The following CORIN variants were observed in gnomAD, a reference collection of about 807,000 sequenced individuals.
CORIN encodes the protein atrial natriuretic peptide-converting enzyme.
Under a neutral mutation model 125.3 loss-of-function variants are expected in CORIN, and 117 were observed. The ratio of observed to expected loss-of-function variants is 0.93; its 90% CI spans 0.80 to 1.09. The LOEUF (loss-of-function observed/expected upper bound fraction) is 1.09, where lower values mean the gene tolerates loss of function less well. CORIN is among the 50% of genes least tolerant of loss of function. The pLI is 0.00. For missense variants in CORIN, 1,253 were observed against 1,306.7 expected, an observed-to-expected ratio of 0.96 and a Z score of 0.63; for synonymous variants, 450 against 466.4, an observed-to-expected ratio of 0.96 and a Z score of 0.45.
intron 5 of CORIN, among the ~76,000 whole-genome samples, chr4:47,715,428 G>A (rs149875313): frequency 0.029 from 4,349 of 152,060 alleles, 214 homozygotes; most frequent in African/African-American, 0.1. Context: ...GCAACATGGC[G>A]AAACCTCGTC....
intron 3 of CORIN, among the ~76,000 whole-genome samples, chr4:47,766,668 G>A (rs1034583510): frequency 8.6e-5 from 13 of 152,018 alleles, no homozygotes; most frequent in African/African-American, 1.7e-4. Context: ...AACAAAGGCC[G>A]GGCGCAGTGG....
chr4:47,683,731 C>A lies in CORIN; in HGVS notation c.1021G>T (p.Asp341Tyr). ...CGDLSDEQNC[D>Y]CNPTTEHRCG... ...CCTTTGGGGAAACAATGCTACTTAC[C>A]ACAGTTTTGCTCATCACTCAAATCC... Residue 341 changes from aspartate to tyrosine, a missense_variant and splice_region_variant, in exon 7 of 22, where the codon GAT becomes TAT. Physicochemically the swap from Asp to Tyr is radical, Grantham distance 160. Transcript: ENST00000273857. 6.2e-7 allele frequency: 1 copy of A among 1,606,372 alleles called. No homozygotes were observed. The highest frequency in any genetic ancestry group is 8.5e-7 in the Non-Finnish European group (1 of 1,175,010).
intron 13 of CORIN, among the ~76,000 whole-genome samples, chr4:47,647,917 C>T (rs1371466133): frequency 3.9e-5 from 6 of 152,140 alleles, no homozygotes; most frequent in African/African-American, 1.2e-4. Context: ...AATAATAATG[C>T]CTGCTTCATA....
At chr4:47,805,412 C>G (rs1731751616) in intron 2 of CORIN, among the ~76,000 whole-genome samples, 1 of 152,042 alleles carries the variant, frequency 6.6e-6, no homozygotes, top group Non-Finnish European at 1.5e-5. Context: ...ACTCCTCTCT[C>G]CCTCACACCA....
intron 1 of CORIN, among the ~76,000 whole-genome samples, chr4:47,812,773 G>C (rs1416220884): frequency 3.9e-5 from 6 of 152,110 alleles, no homozygotes; most frequent in Non-Finnish European, 8.8e-5. Context: ...TCTGTATCTA[G>C]AACAGTACCT....
At chr4:47,710,944 G>C (rs1019265017) in intron 5 of CORIN, among the ~76,000 whole-genome samples, 6 of 152,234 alleles carry the variant, frequency 3.9e-5, no homozygotes, top group African/African-American at 9.7e-5. Context: ...AGTGACAACA[G>C]AGCATTAAAC....
At chr4:47,693,124 G>GT (rs753024373) in intron 5 of CORIN, 41 bp from the exon 6 acceptor site, 106 of 1,284,852 alleles carry the variant, frequency 8.2e-5, no homozygotes, top group African/African-American at 4.5e-4. Context: ...AATAAGATGG[G>GT]TTTTTTTTCT....
intron 1 of CORIN, among the ~76,000 whole-genome samples, chr4:47,814,960 C>A (rs1732203501): frequency 6.6e-6 from 1 of 152,124 alleles, no homozygotes; most frequent in African/African-American, 2.4e-5. Flanking sequence ...TAAATACCAA[C>A]AAAATATGTA....
intron 21 of CORIN, among the ~76,000 whole-genome samples, chr4:47,596,698 G>A (rs543457082): frequency 2.0e-4 from 30 of 152,164 alleles, no homozygotes; most frequent in Non-Finnish European, 5.9e-5. Context: ...AAATAAAAGA[G>A]TAAATACGTG....
chr4:47,836,539 G>C (rs1217209708), intron 1 of CORIN, among the ~76,000 whole-genome samples: 2 of 152,152 alleles, frequency 1.3e-5, no homozygotes, highest in African/African-American at 2.4e-5. Flanking sequence ...ATAAAAACTA[G>C]AAGCCACAAT....
chr4:47,668,727 T>C (rs1724593273), intron 10 of CORIN, among the ~76,000 whole-genome samples: 1 of 152,240 alleles, frequency 6.6e-6, no homozygotes, highest in Non-Finnish European at 1.5e-5. Context: ...TTCTCTTTTT[T>C]ACATGTGGAG....
At chr4:47,627,247 T>G (rs1722617113) in intron 16 of CORIN, among the ~76,000 whole-genome samples, 1 of 152,176 alleles carries the variant, frequency 6.6e-6, no homozygotes, top group African/African-American at 2.4e-5. Context: ...CATCCCAAAC[T>G]GCTAGGATTA....
chr4:47,678,659 G>A (rs1560501970), intron 8 of CORIN, among the ~76,000 whole-genome samples: 1 of 152,174 alleles, frequency 6.6e-6, no homozygotes, highest in South Asian at 2.1e-4. Context: ...ATTTGAAAGG[G>A]ATGGCCTAAT....
chr4:47,758,819 G>A (rs1038873232), intron 4 of CORIN, among the ~76,000 whole-genome samples: 1 of 152,204 alleles, frequency 6.6e-6, no homozygotes, highest in African/African-American at 2.4e-5. Flanking sequence ...TGTGAAGAAG[G>A]ATGTGTTTGC....
intron 3 of CORIN, among the ~76,000 whole-genome samples, chr4:47,785,115 G>T (rs973316565): frequency 6.6e-6 from 1 of 152,174 alleles, no homozygotes; most frequent in Non-Finnish European, 1.5e-5. Flanking sequence ...ACAAGAAAAT[G>T]ATCATGGTTG....
intron 12 of CORIN, among the ~76,000 whole-genome samples, chr4:47,655,865 A>C (rs939959896): frequency 4.1e-5 from 6 of 147,924 alleles, no homozygotes; most frequent in African/African-American, 1.5e-4. Flanking sequence ...AAAAAAAAAA[A>C]GCCTGGTGCC....
chr4:47,726,504 A>G (rs1424702446), intron 5 of CORIN, among the ~76,000 whole-genome samples: 2 of 152,098 alleles, frequency 1.3e-5, no homozygotes, highest in Admixed American at 1.3e-4. Flanking sequence ...CAAACCAGAG[A>G]TGTGGAGAAC....
rs530113929 is a variant in CORIN, at chr4:47,813,350, C to T, written c.64-6303G>A. On this transcript the variant is annotated intron_variant, in intron 1 of 21. Coordinates refer to ENST00000273857, the MANE Select transcript of CORIN (RefSeq NM_006587.4). ...AGTCCAAGTCCTTGCTTATTTATTT[C>T]TCCCAATACCTAATTTAAAAACAAA... Among the ~76,000 whole-genome samples, 35 of 152,316 alleles carry T rather than the reference C, an allele frequency of 2.3e-4. 1 individual carries two copies. In the South Asian group the frequency reaches 7.2e-3, roughly 32 times the overall value.
At chr4:47,662,727 C>T (rs754584528) in intron 11 of CORIN, among the ~76,000 whole-genome samples, 1 of 152,068 alleles carries the variant, frequency 6.6e-6, no homozygotes, top group Non-Finnish European at 1.5e-5. Flanking sequence ...TACACTAATT[C>T]AACTAAGTTC....
Sources: allele counts gnomAD v4.1 joint callset (sites outside exome capture counted in the v4.1 genomes callset), GRCh38; gene constraint gnomAD v4.1.1; transcripts MANE v1.5; gene names NCBI Gene and HGNC (gene_info 2026-07-23, HGNC 2026-07-21).